Variants in ZNF385B observed in about 807,000 individuals in gnomAD.
The protein encoded by ZNF385B is zinc finger protein 533.
In ZNF385B, 23 loss-of-function variants were observed where a neutral mutation model predicts 39.2. The ratio of observed to expected loss-of-function variants is 0.59; its 90% CI spans 0.42 to 0.83. The LOEUF (loss-of-function observed/expected upper bound fraction) is 0.83, where lower values mean the gene tolerates loss of function less well. Ranked by LOEUF, ZNF385B falls within the 40% of genes least tolerant of loss-of-function variation. The pLI is 0.00. For synonymous variants in ZNF385B, 205 were observed against 222.6 expected (o/e 0.92, Z 0.70); for missense variants, 552 against 598.9 (o/e 0.92, Z 0.82).
At chr2:179,706,441 C>A (rs1699606670) in intron 3 of ZNF385B, among the ~76,000 whole-genome samples, 1 of 152,124 alleles carries the variant, frequency 6.6e-6, no homozygotes, top group African/African-American at 2.4e-5. Flanking sequence ...ATTGACATGA[C>A]AACTAGGGCA....
intron 4 of ZNF385B, among the ~76,000 whole-genome samples, chr2:179,544,609 A>G (rs560731139): frequency 1.3e-5 from 2 of 152,362 alleles, no homozygotes; most frequent in African/African-American, 4.8e-5. Context: ...TTTTCAGAAA[A>G]TATTTTCTGT....
chr2:179,694,929 CAAAAAAG>C (rs1279686539), intron 3 of ZNF385B, among the ~76,000 whole-genome samples: 2 of 141,348 alleles, frequency 1.4e-5, no homozygotes, highest in Non-Finnish European at 3.1e-5. Flanking sequence ...GACTCCATCT[CAAAAAAG>C]AAAAAAGAAA....
At chr2:179,781,691 A>G (rs1274424269) in intron 1 of ZNF385B, among the ~76,000 whole-genome samples, 1 of 152,122 alleles carries the variant, frequency 6.6e-6, no homozygotes, top group Non-Finnish European at 1.5e-5. Context: ...GAACACCTCT[A>G]TATACTCTAT....
chr2:179,690,373 G>A (rs908698050), intron 3 of ZNF385B, among the ~76,000 whole-genome samples: 7 of 152,148 alleles, frequency 4.6e-5, no homozygotes, highest in Admixed American at 1.3e-4. Flanking sequence ...GACCATTCAC[G>A]TCTGTGCATA....
chr2:179,475,793 GA>G (rs1394337387), intron 6 of ZNF385B, among the ~76,000 whole-genome samples: 2 of 6,536 alleles, frequency 3.1e-4, no homozygotes, highest in African/African-American at 1.1e-3. Context: ...GAGGTGGGCA[GA>G]TCACTTGAGG....
intron 3 of ZNF385B, among the ~76,000 whole-genome samples, chr2:179,663,597 C>T (rs967229606): frequency 4.6e-5 from 7 of 151,066 alleles, no homozygotes; most frequent in African/African-American, 1.7e-4. Flanking sequence ...GTAGTCCCAG[C>T]TAATCGGGAG....
At position 179,714,184 on chromosome 2, in the gene ZNF385B, G is replaced by T. The variant is rs547690368; in HGVS notation, c.298+55319C>A. Among the ~76,000 whole-genome samples, 7 of 152,134 alleles carry T rather than the reference G, an allele frequency of 4.6e-5. No homozygotes were observed. In the South Asian group the frequency reaches 1.5e-3, roughly 32 times the overall value. ...AGGAAGGACCATGGAAAAAGTAAGGGGCTGGAATAATACCACTACAAATAA... is the reference window on the plus strand; with the variant it reads ...AGGAAGGACCATGGAAAAAGTAAGGTGCTGGAATAATACCACTACAAATAA... On this transcript the variant is annotated intron_variant, in intron 3 of 9. Coordinates refer to ENST00000410066, the MANE Select transcript of ZNF385B (RefSeq NM_152520.6).
intron 6 of ZNF385B, among the ~76,000 whole-genome samples, chr2:179,478,337 A>T (rs940958790): frequency 1.3e-5 from 2 of 152,232 alleles, no homozygotes; most frequent in Admixed American, 1.3e-4. Context: ...GTACTATGCT[A>T]TTTAGTATAG....
chr2:179,717,444 A>G (rs1700401828), intron 3 of ZNF385B, among the ~76,000 whole-genome samples: 1 of 152,192 alleles, frequency 6.6e-6, no homozygotes, highest in Non-Finnish European at 1.5e-5. Context: ...AGAGAATAAG[A>G]AAGTATGGCT....
chr2:179,813,435 T>C (rs917889014), intron 1 of ZNF385B, among the ~76,000 whole-genome samples: 21 of 152,072 alleles, frequency 1.4e-4, no homozygotes, highest in Admixed American at 6.6e-5. Flanking sequence ...GGCAGAAAAC[T>C]GGAAAAAATT....
rs574370934 is a variant in ZNF385B at position 179,814,329 on chromosome 2, G to T, written c.-154-43657C>A. Reference sequence around the variant, plus strand: ...CCTCCCAGGAGAGGACTGCATGGCTGTCATTCGCTTCGGCCACGGCTGGGA... The same window carrying T: ...CCTCCCAGGAGAGGACTGCATGGCTTTCATTCGCTTCGGCCACGGCTGGGA... On this transcript the variant is annotated intron_variant, in intron 1 of 9. Coordinates refer to ENST00000410066, the MANE Select transcript of ZNF385B (RefSeq NM_152520.6). 44 of 282,900 alleles carry T rather than the reference G, an allele frequency of 1.6e-4. 1 individual carries two copies. The highest frequency in any genetic ancestry group is 9.8e-4 in the African/African-American group (43 of 43,656). The allele number at this position is 282,900 out of a possible 1,614,324, so 17.5% of individuals were successfully genotyped here.
chr2:179,846,807 C>A (rs1332271487), intron 1 of ZNF385B, among the ~76,000 whole-genome samples: 1 of 152,242 alleles, frequency 6.6e-6, no homozygotes, highest in African/African-American at 2.4e-5. Context: ...TCCAAGTGAT[C>A]CTGGTGCTGC....
intron 4 of ZNF385B, among the ~76,000 whole-genome samples, chr2:179,536,086 C>T (rs6709838): frequency 0.23 from 34,806 of 151,924 alleles, 4,407 homozygotes; most frequent in African/African-American, 0.33. Context: ...TATACAATAA[C>T]ATTTTGCTAC....
intron 3 of ZNF385B, among the ~76,000 whole-genome samples, chr2:179,761,765 T>C (rs1399019186): frequency 1.4e-5 from 2 of 147,510 alleles, no homozygotes; most frequent in African/African-American, 2.5e-5. Context: ...TCTTTTCTTT[T>C]TTTTTTTTTT....
intron 3 of ZNF385B, among the ~76,000 whole-genome samples, chr2:179,562,935 T>C (rs868053273): frequency 3.0e-4 from 46 of 152,196 alleles, no homozygotes; most frequent in African/African-American, 1.1e-3. Context: ...AAATGTGTTC[T>C]CACAACAAAC....
intron 3 of ZNF385B, among the ~76,000 whole-genome samples, chr2:179,598,520 G>A (rs1184640967): frequency 6.6e-6 from 1 of 151,942 alleles, no homozygotes; most frequent in Admixed American, 6.6e-5. Flanking sequence ...AGTAAATCGT[G>A]ATATATTTGA....
At chr2:179,473,428 G>A (rs1320715960) in intron 6 of ZNF385B, among the ~76,000 whole-genome samples, 2 of 152,170 alleles carry the variant, frequency 1.3e-5, no homozygotes, top group African/African-American at 4.8e-5. Flanking sequence ...AATTTACTGA[G>A]TGTCTGTGGC....
At chr2:179,780,514 T>C (rs1017090915) in intron 1 of ZNF385B, among the ~76,000 whole-genome samples, 1 of 152,244 alleles carries the variant, frequency 6.6e-6, no homozygotes, top group Admixed American at 6.5e-5. Flanking sequence ...TTCCGTTTTC[T>C]GTTTTCCACA....
At chr2:179,562,018 T>C (rs1175592735) in intron 3 of ZNF385B, among the ~76,000 whole-genome samples, 3 of 152,184 alleles carry the variant, frequency 2.0e-5, no homozygotes, top group Non-Finnish European at 4.4e-5. Context: ...AAATATACTT[T>C]CTGAAAAGAA....
Sources: gnomAD v4.1 joint callset for allele counts (sites outside exome capture counted in the v4.1 genomes callset) on GRCh38, gnomAD v4.1.1 for gene constraint, MANE v1.5 for transcripts, NCBI Gene and HGNC (gene_info 2026-07-23, HGNC 2026-07-21) for gene names.